Variants in NEBL observed in about 807,000 individuals in gnomAD.
NEBL encodes the protein nebulette, also known as LIM and SH3 protein 2.
Under a neutral mutation model 140.2 loss-of-function variants are expected in NEBL, and 122 were observed. The observed-to-expected ratio is 0.87, with a 90% CI of 0.75 to 1.01. The LOEUF (loss-of-function observed/expected upper bound fraction) is 1.01, where lower values mean the gene tolerates loss of function less well. NEBL is among the 50% of genes least tolerant of loss of function. NEBL has a pLI of 0.00. For missense variants in NEBL, 1,365 were observed against 1,231.3 expected (o/e 1.11, Z -1.62); for synonymous variants, 436 against 398.9 (o/e 1.09, Z -1.11).
chr10:20,945,296 C>T (rs1315280034), intron 4 of NEBL, among the ~76,000 whole-genome samples: 1 of 152,108 alleles, frequency 6.6e-6, no homozygotes, highest in Non-Finnish European at 1.5e-5. Context: ...GGTTAGGTGC[C>T]TTACTCTGTA....
At chr10:21,058,908 T>A (rs762078990) in intron 2 of NEBL, among the ~76,000 whole-genome samples, 3 of 152,178 alleles carry the variant, frequency 2.0e-5, no homozygotes, top group Non-Finnish European at 4.4e-5. Flanking sequence ...TCCTACTAAT[T>A]GTGTAAAGTT....
At chr10:21,188,012 T>C (rs1841504942) in intron 3 of NEBL, among the ~76,000 whole-genome samples, 1 of 152,164 alleles carries the variant, frequency 6.6e-6, no homozygotes, top group Non-Finnish European at 1.5e-5. Context: ...CGGGCTTGTC[T>C]TCACGGAGCC....
intron 24 of NEBL, among the ~76,000 whole-genome samples, 153 bp downstream of exon 24, chr10:20,812,615 AC>A: frequency 6.6e-6 from 1 of 152,178 alleles, no homozygotes; most frequent in Non-Finnish European, 1.5e-5. Context: ...TCCACATCGT[AC>A]AAAAATAATA....
chr10:20,831,370 A>C lies in NEBL; in HGVS notation c.1561-64T>G, dbSNP rs531064972. 2.5e-5 allele frequency: 38 copies of C among 1,512,178 alleles called. No individual in the cohort carries two copies. The South Asian group carries it at 3.9e-4, about 16-fold the overall frequency. 93.7% of individuals were successfully genotyped at this position (1,512,178 alleles called of 1,614,324 possible). ...CTTTAATAGCGATGTTGAAATTTAC[A>C]TGTTTGAATCTCAAAGCCACCCATG... On this transcript the variant is annotated intron_variant, in intron 15 of 27. Coordinates refer to ENST00000377122, the MANE Select transcript of NEBL (RefSeq NM_006393.3).
chr10:20,919,498 G>T (rs1387370381), intron 4 of NEBL, among the ~76,000 whole-genome samples: 1 of 152,178 alleles, frequency 6.6e-6, no homozygotes, highest in Admixed American at 6.5e-5. Flanking sequence ...CATTATTAGA[G>T]CTGTGTGCTC....
chr10:20,980,051 CAA>C (rs61096067), intron 3 of NEBL, among the ~76,000 whole-genome samples: 15,455 of 121,324 alleles, frequency 0.13, 2,015 homozygotes, highest in African/African-American at 0.35. Context: ...CTCATTTCCA[CAA>C]AAAAAAAAAA....
At chr10:21,197,962 G>C (rs1295324890) in intron 3 of NEBL, among the ~76,000 whole-genome samples, 2 of 151,312 alleles carry the variant, frequency 1.3e-5, no homozygotes, top group African/African-American at 4.9e-5. Flanking sequence ...ACTCCTCCAG[G>C]AGATGGATTT....
chr10:20,919,165 C>G (rs537378621), intron 4 of NEBL, among the ~76,000 whole-genome samples: 1 of 152,156 alleles, frequency 6.6e-6, no homozygotes, highest in Non-Finnish European at 1.5e-5. Context: ...GAGAAGGCAT[C>G]TGAGCTATAG....
chr10:21,046,894 G>A lies in NEBL; in HGVS notation c.165-26693C>T, dbSNP rs144251710. Among the ~76,000 whole-genome samples, 1,416 of 152,204 alleles carry A rather than the reference G, an allele frequency of 9.3e-3. 45 individuals are homozygous for A. The East Asian group carries it at 0.1, about 11-fold the overall frequency. On this transcript the variant is annotated intron_variant, in intron 2 of 6. Coordinates refer to the NEBL transcript ENST00000417816. ...TGGGATTACAGGCATGAGCCACCGCGCCCGGCCCCTAACCTCAATATTTTT... is the reference window on the plus strand; with the variant it reads ...TGGGATTACAGGCATGAGCCACCGCACCCGGCCCCTAACCTCAATATTTTT...
At position 20,825,558 on chromosome 10, in the gene NEBL, T is replaced by C. The variant is rs187920133; in HGVS notation, c.1869+889A>G. ...GGTGTGTGCCTGTAATCCCAGCTAC[T>C]CGGGAGGCTGAGACAGAAGAATCAC... On this transcript the variant is annotated intron_variant, in intron 18 of 27. Transcript: ENST00000377122. Among the ~76,000 whole-genome samples, 1,263 of 151,698 alleles carry C rather than the reference T, an allele frequency of 8.3e-3. 8 individuals carry two copies. The highest frequency in any genetic ancestry group is 0.014 in the Middle Eastern group (4 of 294).
chr10:20,890,187 A>C (rs1474247965), intron 2 of NEBL, among the ~76,000 whole-genome samples: 1 of 152,148 alleles, frequency 6.6e-6, no homozygotes, highest in African/African-American at 2.4e-5. Context: ...AAGCATCAAC[A>C]CCAGGCGTGC....
At chr10:20,813,864 G>T in intron 23 of NEBL, 75 bp downstream of exon 23, 2 of 960,424 alleles carry the variant, frequency 2.1e-6, no homozygotes, top group Non-Finnish European at 3.4e-6. Context: ...CGGATTAATA[G>T]TGAAGTAATG....
chr10:20,855,787 G>A (rs1843012467), intron 9 of NEBL, among the ~76,000 whole-genome samples: 1 of 152,164 alleles, frequency 6.6e-6, no homozygotes, highest in Non-Finnish European at 1.5e-5. Context: ...ACTCTTTAGA[G>A]TTTGGGTTAA....
At chr10:20,807,981 T>TA (rs142094437) in intron 26 of NEBL, among the ~76,000 whole-genome samples, 5,399 of 139,690 alleles carry the variant, frequency 0.039, 228 homozygotes, top group African/African-American at 0.11. Flanking sequence ...ATTTCTCATT[T>TA]AAAAAAAAAA....
chr10:20,904,825 G>T (rs1327968025), intron 4 of NEBL, among the ~76,000 whole-genome samples: 2 of 152,224 alleles, frequency 1.3e-5, no homozygotes, highest in African/African-American at 4.8e-5. Flanking sequence ...GAAGCTCTTT[G>T]CTTGGCTGTC....
chr10:21,157,059 G>A (rs1218687868), intron 2 of NEBL, among the ~76,000 whole-genome samples: 1 of 152,100 alleles, frequency 6.6e-6, no homozygotes, highest in Non-Finnish European at 1.5e-5. Context: ...AGCTTACAAA[G>A]CACATAATGT....
At chr10:20,890,413 T>G (rs1846932903) in intron 2 of NEBL, among the ~76,000 whole-genome samples, 1 of 152,194 alleles carries the variant, frequency 6.6e-6, no homozygotes, top group African/African-American at 2.4e-5. Flanking sequence ...CGAAATTAAA[T>G]GGGGATCACT....
chr10:21,269,386 T>G (rs993360463), intron 1 of NEBL, among the ~76,000 whole-genome samples: 6 of 152,136 alleles, frequency 3.9e-5, no homozygotes, highest in Admixed American at 3.9e-4. Flanking sequence ...AGAGATGGGA[T>G]CTCCCAGATA....
intron 3 of NEBL, among the ~76,000 whole-genome samples, chr10:21,191,270 A>G (rs79942789): frequency 0.011 from 1,674 of 152,308 alleles, 24 homozygotes; most frequent in African/African-American, 0.038. Context: ...CTCCACATGC[A>G]TTGACTATGC....
Sources: allele counts gnomAD v4.1 joint callset (sites outside exome capture counted in the v4.1 genomes callset), GRCh38; gene constraint gnomAD v4.1.1; transcripts MANE v1.5; gene names NCBI Gene and HGNC (gene_info 2026-07-23, HGNC 2026-07-21).